Variants in AGBL4 observed in about 807,000 individuals in gnomAD.
AGBL4 encodes AGBL carboxypeptidase 4, also known as cytosolic carboxypeptidase 6.
In AGBL4, 58 loss-of-function variants were observed where a neutral mutation model predicts 66.4. The observed-to-expected ratio is 0.87, with a 90% confidence interval of 0.71 to 1.09. AGBL4 has a LOEUF of 1.09. Among genes scored for constraint, AGBL4 ranks in the 50% least tolerant of loss-of-function variants. The probability of loss-of-function intolerance (pLI) is 0.00; values close to 1 mark genes in which losing one functional copy is unlikely to be tolerated. For synonymous variants in AGBL4, 234 were observed against 222.9 expected (o/e 1.05, Z -0.44); for missense variants, 579 against 631.0 (o/e 0.92, Z 0.88).
intron 2 of AGBL4, among the ~76,000 whole-genome samples, chr1:49,834,133 G>A (rs574447451): frequency 1.1e-4 from 16 of 152,196 alleles, no homozygotes; most frequent in African/African-American, 2.9e-4. Context: ...TTTTTCTATC[G>A]TTTGGAATAG....
chr1:49,753,737 T>A (rs969218091), intron 2 of AGBL4, among the ~76,000 whole-genome samples: 2 of 152,216 alleles, frequency 1.3e-5, no homozygotes, highest in East Asian at 1.9e-4. Flanking sequence ...TTTCACATAG[T>A]TCCATATTTC....
chr1:49,598,973 C>G (rs748799533), intron 3 of AGBL4, among the ~76,000 whole-genome samples: 3 of 152,114 alleles, frequency 2.0e-5, no homozygotes, highest in Non-Finnish European at 2.9e-5. Flanking sequence ...GGTAGATAAG[C>G]CTTTGGATGT....
chr1:49,290,607 G>T (rs573733224), intron 3 of AGBL4, among the ~76,000 whole-genome samples: 3 of 152,286 alleles, frequency 2.0e-5, no homozygotes, highest in Non-Finnish European at 2.9e-5. Context: ...CCTTGAACAT[G>T]GGTTTGGACT....
chr1:49,194,712 T>A (rs559818496), intron 4 of AGBL4, among the ~76,000 whole-genome samples: 1 of 152,324 alleles, frequency 6.6e-6, no homozygotes, highest in South Asian at 2.1e-4. Flanking sequence ...CAGACTTGTA[T>A]ACTGAGGGGA....
At chr1:49,734,839 G>C (rs1243533716) in intron 2 of AGBL4, among the ~76,000 whole-genome samples, 1 of 151,138 alleles carries the variant, frequency 6.6e-6, no homozygotes, top group Admixed American at 6.6e-5. Flanking sequence ...AATAATCATG[G>C]GAAACTTATA....
chr1:49,267,990 A>T (rs1643962809), intron 3 of AGBL4: 1 of 152,194 alleles, frequency 6.6e-6, no homozygotes, highest in Admixed American at 6.5e-5. Flanking sequence ...TCAAGATGAG[A>T]TTTGAGTGGG....
intron 1 of AGBL4, among the ~76,000 whole-genome samples, chr1:49,991,887 T>TTAA (rs1236137907): frequency 3.9e-5 from 6 of 152,200 alleles, no homozygotes; most frequent in African/African-American, 1.4e-4. Flanking sequence ...CTATGTGAGC[T>TTAA]TAAGCAAGTT....
chr1:49,341,411 T>G (rs184728776), intron 3 of AGBL4, among the ~76,000 whole-genome samples: 1 of 152,206 alleles, frequency 6.6e-6, no homozygotes, highest in East Asian at 1.9e-4. Flanking sequence ...AGAGTTAAAG[T>G]CCCTCCTAAG....
At chr1:49,934,903 G>A (rs1026534648) in intron 1 of AGBL4, among the ~76,000 whole-genome samples, 5 of 152,084 alleles carry the variant, frequency 3.3e-5, no homozygotes, top group Non-Finnish European at 7.4e-5. Flanking sequence ...CAACGTGAGC[G>A]ATACAGAAAA....
chr1:49,147,533 C>T (rs931565755), intron 4 of AGBL4, among the ~76,000 whole-genome samples: 1 of 152,110 alleles, frequency 6.6e-6, no homozygotes, highest in Non-Finnish European at 1.5e-5. Flanking sequence ...ACCAAGGTCA[C>T]ACAGTAGCTA....
At chr1:48,730,090 C>T (rs1418134340) in intron 6 of AGBL4, among the ~76,000 whole-genome samples, 1 of 152,100 alleles carries the variant, frequency 6.6e-6, no homozygotes, top group African/African-American at 2.4e-5. Flanking sequence ...GTTAGGAGAC[C>T]CCACTCTACC....
intron 9 of AGBL4, among the ~76,000 whole-genome samples, chr1:48,608,020 A>G (rs1229027498): frequency 3.3e-5 from 5 of 152,174 alleles, no homozygotes; most frequent in Admixed American, 3.3e-4. Context: ...CTTATTCCCC[A>G]CGATAAAATA....
At chr1:49,158,744 G>T (rs1392233323) in intron 4 of AGBL4, among the ~76,000 whole-genome samples, 1 of 151,534 alleles carries the variant, frequency 6.6e-6, no homozygotes, top group Admixed American at 6.6e-5. Context: ...TATGAATCTG[G>T]GTGCTCCTAT....
chr1:49,148,128 T>C (rs932621172), intron 4 of AGBL4, among the ~76,000 whole-genome samples: 1 of 152,202 alleles, frequency 6.6e-6, no homozygotes, highest in Non-Finnish European at 1.5e-5. Flanking sequence ...AGATAATACT[T>C]TGTAGGACTA....
chr1:48,683,048 A>T (rs1009614599), intron 6 of AGBL4, among the ~76,000 whole-genome samples: 1 of 152,258 alleles, frequency 6.6e-6, no homozygotes, highest in Non-Finnish European at 1.5e-5. Flanking sequence ...CAGTGGGTTT[A>T]GACACAGGCT....
intron 6 of AGBL4, among the ~76,000 whole-genome samples, chr1:48,778,452 G>A (rs918062784): frequency 3.9e-5 from 6 of 152,144 alleles, no homozygotes; most frequent in African/African-American, 1.2e-4. Flanking sequence ...GTATAAGCAA[G>A]TAATGACAGT....
At chr1:49,128,875 T>C (rs1351809436) in intron 4 of AGBL4, among the ~76,000 whole-genome samples, 1 of 151,926 alleles carries the variant, frequency 6.6e-6, no homozygotes, top group African/African-American at 2.4e-5. Flanking sequence ...AAATGGACTA[T>C]ATAAAAATTA....
intron 1 of AGBL4, among the ~76,000 whole-genome samples, chr1:49,922,378 C>T (rs1218157595): frequency 6.6e-6 from 1 of 152,076 alleles, no homozygotes; most frequent in Admixed American, 6.6e-5. Context: ...GGAAGTATTC[C>T]CCTTAAAAAC....
At chr1:50,008,728 T>C (rs1661317428) in intron 1 of AGBL4, among the ~76,000 whole-genome samples, 1 of 151,810 alleles carries the variant, frequency 6.6e-6, no homozygotes, top group Admixed American at 6.6e-5. Flanking sequence ...CTTGGCTTTT[T>C]GAAAAGACAA....
Sources: gnomAD v4.1 joint callset for allele counts (sites outside exome capture counted in the v4.1 genomes callset) on GRCh38, gnomAD v4.1.1 for gene constraint, MANE v1.5 for transcripts, NCBI Gene and HGNC (gene_info 2026-07-23, HGNC 2026-07-21) for gene names.